The following NRP1 variants were observed in gnomAD, a reference collection of about 807,000 sequenced individuals.
NRP1 encodes the protein neuropilin 1, also known as neuropilin-1.
NRP1 carries 35 observed loss-of-function variants against 106.7 expected under a neutral mutation model. The ratio of observed to expected loss-of-function variants is 0.33; its 90% CI spans 0.25 to 0.43. The LOEUF (loss-of-function observed/expected upper bound fraction) is 0.43. NRP1 is among the 20% of genes least tolerant of loss of function. The probability of loss-of-function intolerance (pLI) is 1.00; values close to 1 mark genes in which losing one functional copy is unlikely to be tolerated. For synonymous variants in NRP1, 437 were observed against 417.9 expected (o/e 1.05, Z -0.56); for missense variants, 1,024 against 1,170.4 (o/e 0.87, Z 1.83).
intron 6 of NRP1, among the ~76,000 whole-genome samples, chr10:33,241,683 A>G (rs12762786): frequency 6.6e-6 from 1 of 151,774 alleles, no homozygotes; most frequent in African/African-American, 2.4e-5. Flanking sequence ...TGCATCTTTG[A>G]CAGAAAAAAT....
intron 4 of NRP1, among the ~76,000 whole-genome samples, chr10:33,257,466 G>T (rs1010888550): frequency 6.6e-6 from 1 of 152,108 alleles, no homozygotes; most frequent in African/African-American, 2.4e-5. Flanking sequence ...GTGAAACCCC[G>T]TTTCTACTAA....
chr10:33,181,765 G>A (rs2132570508), intron 16 of NRP1, among the ~76,000 whole-genome samples: 1 of 152,318 alleles, frequency 6.6e-6, no homozygotes. Context: ...GTAAAATGGG[G>A]ACAAATACAA....
chr10:33,324,516 T>C (rs1217064619), intron 2 of NRP1, among the ~76,000 whole-genome samples: 1 of 152,250 alleles, frequency 6.6e-6, no homozygotes, highest in East Asian at 1.9e-4. Flanking sequence ...TTTCCATCAG[T>C]AGCCACTGAA....
At chr10:33,280,217 T>TA (rs1844015317) in intron 2 of NRP1, among the ~76,000 whole-genome samples, 1 of 152,198 alleles carries the variant, frequency 6.6e-6, no homozygotes, top group Non-Finnish European at 1.5e-5. Flanking sequence ...TTTTGTTTTT[T>TA]AAAAAACCAC....
chr10:33,217,342 G>C (rs1341779077), intron 8 of NRP1, among the ~76,000 whole-genome samples: 2 of 151,358 alleles, frequency 1.3e-5, no homozygotes, highest in African/African-American at 2.4e-5. Context: ...ATGGTGCAAA[G>C]TGAGACTGTT....
At chr10:33,270,883 T>A (rs1291749534) in intron 2 of NRP1, 27 bp from the exon 3 acceptor site, 3 of 1,552,288 alleles carry the variant, frequency 1.9e-6, no homozygotes, top group Admixed American at 1.9e-5. Context: ...GAAGAAAACA[T>A]TAGGTTGGTG....
chr10:33,328,306 A>C (rs1848038986), intron 2 of NRP1, among the ~76,000 whole-genome samples: 1 of 119,792 alleles, frequency 8.3e-6, no homozygotes, highest in Non-Finnish European at 1.8e-5. Flanking sequence ...GCTAGACACC[A>C]TTGTAATACT....
In NRP1 at chr10:33,334,437, A is replaced by G; in HGVS notation, c.-55T>C. 3 of 1,466,224 alleles carry G rather than the reference A, an allele frequency of 2.0e-6. No homozygotes were observed. The highest frequency in any genetic ancestry group is 2.8e-6 in the Non-Finnish European group (3 of 1,080,268). The allele number at this position is 1,466,224 out of a possible 1,614,324, so 90.8% of individuals were successfully genotyped here. A position where few individuals can be genotyped will look rare whatever the true frequency, so the allele number is the denominator to read the frequency against. ...CGGGAGAACGAGGACGTGGGGGGAA[A>G]TGCAGCAAAGAGGAGAATCTAAGCG... On this transcript the variant is annotated 5_prime_UTR_variant, in exon 1 of 17. Transcript: ENST00000374867.
At chr10:33,231,337 A>T (rs78650972) in intron 6 of NRP1, among the ~76,000 whole-genome samples, 11,925 of 152,264 alleles carry the variant, frequency 0.078, 744 homozygotes, top group African/African-American at 0.17. Flanking sequence ...AGTAAAGATG[A>T]TAGAAGAAAA....
At chr10:33,293,709 A>G (rs965819993) in intron 2 of NRP1, among the ~76,000 whole-genome samples, 2 of 152,210 alleles carry the variant, frequency 1.3e-5, no homozygotes, top group East Asian at 1.9e-4. Context: ...TGAAGGAAGA[A>G]TGCCTGCCAT....
chr10:33,298,707 T>G (rs1283115595), intron 2 of NRP1, among the ~76,000 whole-genome samples: 2 of 152,008 alleles, frequency 1.3e-5, no homozygotes, highest in Non-Finnish European at 2.9e-5. Flanking sequence ...AGGCAGATCT[T>G]TTCATCTTTT....
chr10:33,212,676 A>G (rs1838398989), intron 9 of NRP1: 1 of 150,128 alleles, frequency 6.7e-6, no homozygotes, highest in Non-Finnish European at 1.5e-5. Context: ...ATCACAATTA[A>G]TTTTTTTTTT....
chr10:33,218,163 T>C (rs891837324), intron 8 of NRP1, among the ~76,000 whole-genome samples: 2 of 152,162 alleles, frequency 1.3e-5, no homozygotes, highest in African/African-American at 4.8e-5. Context: ...TAAGCAGCCA[T>C]TGCCCAACGT....
intron 6 of NRP1, among the ~76,000 whole-genome samples, chr10:33,245,710 C>A (rs749241688): frequency 5.9e-5 from 9 of 152,166 alleles, no homozygotes; most frequent in Non-Finnish European, 1.3e-4. Flanking sequence ...AATCACTTAA[C>A]CTCTGAATTT....
intron 6 of NRP1, among the ~76,000 whole-genome samples, chr10:33,247,963 C>T (rs1279440417): frequency 6.6e-6 from 1 of 152,166 alleles, no homozygotes; most frequent in Non-Finnish European, 1.5e-5. Flanking sequence ...CAACTGACCT[C>T]ACTTTGTAAG....
chr10:33,299,237 C>G (rs533986565), intron 2 of NRP1, among the ~76,000 whole-genome samples: 38 of 152,314 alleles, frequency 2.5e-4, no homozygotes, highest in Non-Finnish European at 4.1e-4. Context: ...TCCCTGCCCC[C>G]CTGACCCTGC....
In NRP1 at chr10:33,207,716, A is replaced by G; in HGVS notation, c.1615T>C (p.Ser539Pro). The G allele has an allele frequency of 6.2e-7, 1 of 1,613,306 alleles. No individual in the cohort carries two copies. Among genetic ancestry groups the G allele is most frequent in the Non-Finnish European group, 8.5e-7 (1 of 1,179,834 alleles). Reference protein sequence around the residue: ...IMDDSKRKAKSFEGNNNYDTP... With the variant: ...IMDDSKRKAKPFEGNNNYDTP... The stretch of plus-strand genomic sequence containing the variant: ...TCATAGTTGTTGTTGCCCTCAAAAG[A>G]CTGTGAAGCATGGAAAACACAGGGC... The change falls in exon 10 of 17, where the codon TCT becomes CCT. Residue 539 changes from serine to proline, a missense_variant and splice_region_variant. Ser to Pro is a moderately conservative substitution (Grantham distance 74, BLOSUM62 -1). Coordinates refer to ENST00000374867, the MANE Select transcript of NRP1 (RefSeq NM_003873.7).
At chr10:33,262,818 T>C (rs1177074860) in intron 4 of NRP1, among the ~76,000 whole-genome samples, 2 of 152,132 alleles carry the variant, frequency 1.3e-5, no homozygotes, top group East Asian at 1.9e-4. Context: ...TTGCTTTCAT[T>C]TGGGGAGATT....
chr10:33,240,100 G>A (rs2269091), intron 6 of NRP1, among the ~76,000 whole-genome samples: 1 of 151,992 alleles, frequency 6.6e-6, no homozygotes, highest in African/African-American at 2.4e-5. Context: ...CTGAGAAGCA[G>A]CCTCACAAAA....
Sources: gnomAD v4.1 joint callset for allele counts (sites outside exome capture counted in the v4.1 genomes callset) on GRCh38, gnomAD v4.1.1 for gene constraint, MANE v1.5 for transcripts, NCBI Gene and HGNC (gene_info 2026-07-23, HGNC 2026-07-21) for gene names.